Variants in FHIT observed in about 807,000 individuals in gnomAD.
The protein encoded by FHIT is fragile histidine triad diadenosine triphosphatase, also known as bis(5'-adenosyl)-triphosphatase.
Under a neutral mutation model 17.9 loss-of-function variants are expected in FHIT, and 19 were observed. The observed-to-expected ratio is 1.06, with a 90% CI of 0.74 to 1.56. FHIT has a LOEUF of 1.56. Among genes scored for constraint, FHIT ranks in the 40% most tolerant of loss-of-function variants. The pLI is 0.00. For missense variants in FHIT, 248 were observed against 189.2 expected (o/e 1.31, Z -1.82); for synonymous variants, 81 against 69.7 (o/e 1.16, Z -0.81).
intron 5 of FHIT, among the ~76,000 whole-genome samples, chr3:60,436,201 C>T (rs2030223450): frequency 6.6e-6 from 1 of 152,074 alleles, no homozygotes; most frequent in Admixed American, 6.6e-5. Context: ...GTATGCGCCA[C>T]CACATCCAGC....
chr3:60,586,102 A>C (rs1481183045), intron 4 of FHIT, among the ~76,000 whole-genome samples: 2 of 152,022 alleles, frequency 1.3e-5, no homozygotes, highest in African/African-American at 4.8e-5. Context: ...TAGGCACCAA[A>C]AGTGGAACCA....
chr3:60,942,014 G>A (rs1708430146), intron 3 of FHIT, among the ~76,000 whole-genome samples: 1 of 152,108 alleles, frequency 6.6e-6, no homozygotes, highest in South Asian at 2.1e-4. Flanking sequence ...TTGAGATGGA[G>A]TCTTGCACTG....
At chr3:60,334,944 T>C (rs527533344) in intron 5 of FHIT, among the ~76,000 whole-genome samples, 60 of 152,370 alleles carry the variant, frequency 3.9e-4, no homozygotes, top group African/African-American at 1.4e-3. Flanking sequence ...TTTTAAATTA[T>C]TTTCCTAACA....
intron 5 of FHIT, among the ~76,000 whole-genome samples, chr3:60,016,645 G>A (rs1341513096): frequency 2.0e-5 from 3 of 152,212 alleles, no homozygotes; most frequent in East Asian, 1.9e-4. Context: ...AATGCTATTG[G>A]TAGAAATCAG....
intron 4 of FHIT, among the ~76,000 whole-genome samples, chr3:60,656,046 G>A (rs560324589): frequency 6.6e-4 from 100 of 152,252 alleles, no homozygotes; most frequent in Middle Eastern, 6.8e-3. Flanking sequence ...ATCCCTAGCA[G>A]TTTAAACGAT....
intron 5 of FHIT, among the ~76,000 whole-genome samples, chr3:60,192,962 C>G (rs531347221): frequency 1.3e-5 from 2 of 152,318 alleles, no homozygotes; most frequent in South Asian, 4.1e-4. Flanking sequence ...AATATTCTCT[C>G]TGTGTTCTTA....
chr3:61,073,534 C>T (rs528100057), intron 2 of FHIT, among the ~76,000 whole-genome samples: 315 of 152,176 alleles, frequency 2.1e-3, no homozygotes, highest in African/African-American at 7.2e-3. Context: ...TGTTTTAAAG[C>T]CTGGAATATT....
chr3:59,982,479 A>G (rs1708697251), intron 7 of FHIT, among the ~76,000 whole-genome samples: 1 of 152,200 alleles, frequency 6.6e-6, no homozygotes, highest in Non-Finnish European at 1.5e-5. Context: ...CAATTCACCT[A>G]AAGTGAAGTA....
At chr3:60,576,949 T>TATACAC (rs1553657810) in intron 4 of FHIT, among the ~76,000 whole-genome samples, 12 of 146,746 alleles carry the variant, frequency 8.2e-5, no homozygotes, top group Non-Finnish European at 1.7e-4. Flanking sequence ...TCCATTTGCA[T>TATACAC]ACACACACAC....
chr3:61,113,432 A>G (rs1297121615), intron 2 of FHIT, among the ~76,000 whole-genome samples: 2 of 152,220 alleles, frequency 1.3e-5, no homozygotes, highest in Non-Finnish European at 2.9e-5. Flanking sequence ...AGTCAACCAT[A>G]TTAGTCACTT....
Position 60,160,461 on chromosome 3 carries a change from T to A in FHIT, c.104-146309A>T, listed in dbSNP as rs145334230. 1.5e-3 allele frequency among the ~76,000 whole-genome samples: 222 copies of A among 152,300 alleles called. 2 individuals are homozygous for A. The highest frequency in any genetic ancestry group is 0.011 in the South Asian group (53 of 4,820). On this transcript the variant is annotated intron_variant, in intron 5 of 9. Coordinates refer to ENST00000492590, the MANE Select transcript of FHIT (RefSeq NM_002012.4). Reference sequence around the variant, plus strand: ...CTATTTTGCATTGTTTTTACAACTATCTTTTTTGTTGTTGTTCTAATGTTG... The same window carrying A: ...CTATTTTGCATTGTTTTTACAACTAACTTTTTTGTTGTTGTTCTAATGTTG...
chr3:60,017,655 C>T (rs1343187796), intron 5 of FHIT, among the ~76,000 whole-genome samples: 4 of 152,150 alleles, frequency 2.6e-5, no homozygotes, highest in South Asian at 2.1e-4. Flanking sequence ...TTTCCCTTTT[C>T]GTCTCCTCCT....
chr3:61,173,384 G>C (rs1402245008), intron 2 of FHIT, among the ~76,000 whole-genome samples: 1 of 152,140 alleles, frequency 6.6e-6, no homozygotes, highest in Non-Finnish European at 1.5e-5. Flanking sequence ...CAGTCACTGT[G>C]CTTGCCTAAG....
At chr3:59,951,390 C>A (rs777554138) in intron 7 of FHIT, among the ~76,000 whole-genome samples, 1 of 152,230 alleles carries the variant, frequency 6.6e-6, no homozygotes, top group Admixed American at 6.5e-5. Flanking sequence ...TGACAACTTT[C>A]ATGGCCACGG....
chr3:60,757,890 C>A (rs1193868619), intron 4 of FHIT, among the ~76,000 whole-genome samples: 1 of 152,176 alleles, frequency 6.6e-6, no homozygotes, highest in Non-Finnish European at 1.5e-5. Flanking sequence ...TGGAAGATAG[C>A]ACTTGGACGT....
intron 5 of FHIT, among the ~76,000 whole-genome samples, chr3:60,400,997 A>G (rs1169436640): frequency 6.6e-6 from 1 of 152,090 alleles, no homozygotes; most frequent in Non-Finnish European, 1.5e-5. Flanking sequence ...GTGCCTTTAC[A>G]GAGAACAGTT....
At chr3:60,946,130 G>C (rs1708630007) in intron 3 of FHIT, among the ~76,000 whole-genome samples, 1 of 152,182 alleles carries the variant, frequency 6.6e-6, no homozygotes, top group Non-Finnish European at 1.5e-5. Flanking sequence ...GATACAGGAG[G>C]ATGACGGATT....
At chr3:60,734,069 T>C (rs949325597) in intron 4 of FHIT, among the ~76,000 whole-genome samples, 1 of 152,160 alleles carries the variant, frequency 6.6e-6, no homozygotes, top group African/African-American at 2.4e-5. Context: ...GTCCCAATCC[T>C]ACAAACTTTC....
At chr3:60,252,182 T>A (rs1214661478) in intron 5 of FHIT, among the ~76,000 whole-genome samples, 2 of 152,170 alleles carry the variant, frequency 1.3e-5, no homozygotes, top group African/African-American at 4.8e-5. Flanking sequence ...AGACACTTGA[T>A]GCAAGCAACA....
Sources: gnomAD v4.1 joint callset for allele counts (sites outside exome capture counted in the v4.1 genomes callset) on GRCh38, gnomAD v4.1.1 for gene constraint, MANE v1.5 for transcripts, NCBI Gene and HGNC (gene_info 2026-07-23, HGNC 2026-07-21) for gene names.